SAMD12: variants seen among roughly 807,000 people sequenced by gnomAD.
The protein encoded by SAMD12 is sterile alpha motif domain containing 12.
SAMD12 carries 9 observed loss-of-function variants against 15.0 expected under a neutral mutation model. The observed-to-expected ratio is 0.60, with a 90% CI of 0.36 to 1.05. SAMD12 has a LOEUF of 1.05. Among genes scored for constraint, SAMD12 ranks in the 50% least tolerant of loss-of-function variants. The pLI is 0.01. For missense variants in SAMD12, 230 were observed against 234.2 expected (o/e 0.98, Z 0.12); for synonymous variants, 86 against 90.1 (o/e 0.96, Z 0.25).
intron 4 of SAMD12, among the ~76,000 whole-genome samples, chr8:118,221,239 G>C (rs1434518761): frequency 6.6e-6 from 1 of 152,126 alleles, no homozygotes; most frequent in African/African-American, 2.4e-5. Flanking sequence ...AAATCTGAGG[G>C]ATGGGGGTGG....
intron 4 of SAMD12, among the ~76,000 whole-genome samples, chr8:118,366,627 A>G (rs535316865): frequency 6.6e-6 from 1 of 152,020 alleles, no homozygotes; most frequent in Non-Finnish European, 1.5e-5. Context: ...AGCCTGACCA[A>G]CATGGTGAAA....
chr8:118,205,921 GA>G (rs1020787617), intron 4 of SAMD12, among the ~76,000 whole-genome samples: 25 of 151,684 alleles, frequency 1.6e-4, no homozygotes, highest in African/African-American at 6.0e-4. Context: ...AGCCCTTGGG[GA>G]AAAAAAAGGA....
rs145719595 is a variant in SAMD12, at chr8:118,314,937, G to T, written c.433+64623C>A. On this transcript the variant is annotated intron_variant, in intron 4 of 4. Transcript: ENST00000409003. ...TTTTCTGGGACAAATGTCCAACAGC[G>T]TTCTTTTTAAAGAAAAGAAACTTCT... Among the ~76,000 whole-genome samples, 422 of 152,256 alleles carry T rather than the reference G, an allele frequency of 2.8e-3. 1 individual carries two copies. The highest frequency in any genetic ancestry group is 5.1e-3 in the Non-Finnish European group (348 of 68,012).
intron 2 of SAMD12, among the ~76,000 whole-genome samples, chr8:118,488,190 T>G (rs1363422680): frequency 6.6e-6 from 1 of 151,354 alleles, no homozygotes; most frequent in South Asian, 2.1e-4. Context: ...TAATAAGACA[T>G]GTATTGTGTA....
chr8:118,418,652 G>C (rs1342489217), intron 3 of SAMD12, among the ~76,000 whole-genome samples: 2 of 151,832 alleles, frequency 1.3e-5, no homozygotes, highest in African/African-American at 4.8e-5. Context: ...CCGGGAAGTG[G>C]AGCTTGCAGT....
chr8:118,396,283 T>C (rs1397674879), intron 3 of SAMD12, among the ~76,000 whole-genome samples: 1 of 152,164 alleles, frequency 6.6e-6, no homozygotes, highest in Admixed American at 6.5e-5. Context: ...GAGTTTTCTA[T>C]GTGAAAGTTA....
At chr8:118,415,287 T>C (rs1034229708) in intron 3 of SAMD12, among the ~76,000 whole-genome samples, 5 of 152,314 alleles carry the variant, frequency 3.3e-5, no homozygotes, top group African/African-American at 1.2e-4. Context: ...TTTGCTTCCA[T>C]CCAAGATCTT....
At chr8:118,327,366 A>G (rs1203235702) in intron 4 of SAMD12, among the ~76,000 whole-genome samples, 4 of 152,168 alleles carry the variant, frequency 2.6e-5, no homozygotes, top group African/African-American at 9.7e-5. Flanking sequence ...AATTCTCTTG[A>G]AAGCAGAAAA....
intron 3 of SAMD12, among the ~76,000 whole-genome samples, chr8:118,392,876 T>G (rs1044145400): frequency 6.6e-6 from 1 of 152,050 alleles, no homozygotes; most frequent in African/African-American, 2.4e-5. Context: ...ATGTCTCAGA[T>G]TTTTGGCAAA....
chr8:118,553,677 C>T (rs1826423645), intron 2 of SAMD12, among the ~76,000 whole-genome samples: 1 of 151,212 alleles, frequency 6.6e-6, no homozygotes, highest in African/African-American at 2.4e-5. Flanking sequence ...CCAAAATTGA[C>T]AAATGGGATC....
chr8:118,559,809 A>G (rs1280069578), intron 2 of SAMD12, among the ~76,000 whole-genome samples: 1 of 152,232 alleles, frequency 6.6e-6, no homozygotes, highest in Non-Finnish European at 1.5e-5. Flanking sequence ...ATATTCCTGT[A>G]TAGAAATCTA....
At chr8:118,545,999 C>T (rs1213339958) in intron 2 of SAMD12, among the ~76,000 whole-genome samples, 1 of 152,090 alleles carries the variant, frequency 6.6e-6, no homozygotes, top group Admixed American at 6.5e-5. Context: ...AAACCGGGAC[C>T]CTTAACCTCT....
chr8:118,423,132 C>T (rs943462251), intron 3 of SAMD12, among the ~76,000 whole-genome samples: 3 of 152,054 alleles, frequency 2.0e-5, no homozygotes, highest in African/African-American at 7.2e-5. Flanking sequence ...TGCAGTGAGC[C>T]GTGATGTCAC....
At chr8:118,178,613 G>A in the SAMD12 span, among the ~76,000 whole-genome samples, 13 of 152,168 alleles carry the variant, frequency 8.5e-5, no homozygotes, top group South Asian at 2.5e-3. Flanking sequence ...TTACAGGCAA[G>A]CACCACCATT....
At chr8:118,148,227 C>CATA in the SAMD12 span, among the ~76,000 whole-genome samples, 1 of 152,022 alleles carries the variant, frequency 6.6e-6, no homozygotes, top group Non-Finnish European at 1.5e-5. Context: ...GGATTACAGG[C>CATA]ATAAGCCACT....
At chr8:118,531,657 G>C (rs1330698958) in intron 2 of SAMD12, among the ~76,000 whole-genome samples, 2 of 152,100 alleles carry the variant, frequency 1.3e-5, no homozygotes, top group Non-Finnish European at 2.9e-5. Flanking sequence ...CTTGTAAGTT[G>C]GATTCTTAGG....
chr8:118,524,135 G>A (rs945923833), intron 2 of SAMD12, among the ~76,000 whole-genome samples: 1 of 152,012 alleles, frequency 6.6e-6, no homozygotes, highest in African/African-American at 2.4e-5. Context: ...AACTTGGAAA[G>A]TGTTGTTCTT....
rs555813523 is a variant in SAMD12, at chr8:118,394,642, A to G, written c.323-14942T>C. On this transcript the variant is annotated intron_variant, in intron 3 of 3. Coordinates refer to ENST00000314727, the MANE Select transcript of SAMD12 (RefSeq NM_207506.3). ...AATTGACTGGGTTTACCATGTCTGT[A>G]GTGCCAATATCCTGACTTTGCCAAA... 7.0e-4 allele frequency: 106 copies of G among 152,344 alleles called. 1 individual carries two copies. The highest frequency in any genetic ancestry group is 2.5e-3 in the African/African-American group (105 of 41,578). 9.4% of individuals were successfully genotyped at this position (152,344 alleles called of 1,614,324 possible).
intron 3 of SAMD12, chr8:118,400,390 T>C (rs368333642): frequency 6.6e-6 from 1 of 152,242 alleles, no homozygotes; most frequent in East Asian, 1.9e-4. Flanking sequence ...ATACTTCTAA[T>C]CACTATATGA....
Sources: allele counts gnomAD v4.1 joint callset (sites outside exome capture counted in the v4.1 genomes callset), GRCh38; gene constraint gnomAD v4.1.1; transcripts MANE v1.5; gene names NCBI Gene and HGNC (gene_info 2026-07-23, HGNC 2026-07-21).